UNC79: variants seen among roughly 807,000 people sequenced by gnomAD.
The protein encoded by UNC79 is unc-79 subunit of NALCN channel complex.
A neutral mutation model predicts 283.1 loss-of-function variants in UNC79; 37 were observed. The observed-to-expected ratio is 0.13, with a 90% CI of 0.10 to 0.17. UNC79 has a LOEUF of 0.17. UNC79 is among the 10% of genes least tolerant of loss of function. The pLI is 1.00. For missense variants in UNC79, 2,272 were observed against 3,211.1 expected (o/e 0.71, Z 7.07); for synonymous variants, 1,107 against 1,200.2 (o/e 0.92, Z 1.61).
chr14:93,444,579 A>T (rs867975331), intron 1 of UNC79, among the ~76,000 whole-genome samples: 41 of 152,258 alleles, frequency 2.7e-4, no homozygotes, highest in African/African-American at 9.6e-4. Context: ...ATTTAGGTTT[A>T]TAAACATTTT....
At chr14:93,683,684 GA>G (rs2074022463) in intron 42 of UNC79, among the ~76,000 whole-genome samples, 2 of 152,032 alleles carry the variant, frequency 1.3e-5, no homozygotes, top group African/African-American at 4.8e-5. Flanking sequence ...AACAACAACA[GA>G]AAAGCAACAT....
chr14:93,676,582 T>C (rs2073360273), intron 41 of UNC79, among the ~76,000 whole-genome samples: 4 of 152,302 alleles, frequency 2.6e-5, no homozygotes, highest in South Asian at 2.1e-4. Context: ...TGAACAGCAT[T>C]CCCTTAATTG....
Position 93,622,000 on chromosome 14 carries a change from C to T in UNC79, c.4767C>T (p.Phe1589=). 6.2e-7 allele frequency: 1 copy of T among 1,613,970 alleles called. No individual in the cohort carries two copies. Among genetic ancestry groups the T allele is most frequent in the East Asian group, 2.2e-5 (1 of 44,862 alleles). ...TTAGGTTAAACTGTATGGAGACTTT[C>T]GAGGTGAAAGTTGACTCGCCGGTAA... The change falls in exon 30 of 49, where the codon TTC becomes TTT. Residue 1589 remains phenylalanine (F), a synonymous_variant. Transcript: ENST00000555664. This position sits in a 1 kb window ranked among gnomAD's most constrained non-coding sequence, Gnocchi z 4.8.
chr14:93,700,745 C>T (rs927573683), intron 47 of UNC79, among the ~76,000 whole-genome samples: 7 of 152,166 alleles, frequency 4.6e-5, no homozygotes, highest in African/African-American at 1.2e-4. Flanking sequence ...TTGTAGGGCA[C>T]GTAGTTCTTC....
At chr14:93,591,560 C>T (rs967339846) in intron 22 of UNC79, among the ~76,000 whole-genome samples, 1 of 152,202 alleles carries the variant, frequency 6.6e-6, no homozygotes. Flanking sequence ...CAGTACCGTA[C>T]TGTGTTTATC....
chr14:93,409,861 A>G (rs1303107800), intron 1 of UNC79, among the ~76,000 whole-genome samples: 1 of 152,232 alleles, frequency 6.6e-6, no homozygotes, highest in Non-Finnish European at 1.5e-5. Context: ...ATAATTTGAT[A>G]AATTGATTCT....
chr14:93,661,981 A>G (rs1181313475), intron 39 of UNC79, among the ~76,000 whole-genome samples: 1 of 152,224 alleles, frequency 6.6e-6, no homozygotes, highest in Non-Finnish European at 1.5e-5. Context: ...GAAATCATCC[A>G]TCTAACTCTG....
chr14:93,698,629 G>A (rs2141021497), intron 47 of UNC79, among the ~76,000 whole-genome samples: 1 of 151,824 alleles, frequency 6.6e-6, no homozygotes, highest in Non-Finnish European at 1.5e-5. Flanking sequence ...GGGACCACAG[G>A]TGCCCACCGC....
rs1441918965 is a variant in UNC79 at position 93,621,975 on chromosome 14, T to A, written c.4742T>A (p.Val1581Asp). The A allele has an allele frequency of 6.2e-7, 1 of 1,613,788 alleles. No homozygotes were observed. The highest frequency in any genetic ancestry group is 2.2e-5 in the East Asian group (1 of 44,828). ...GCTCGAAGGCCTGTCATACCAGAGG[T>A]TAGGTTAAACTGTATGGAGACTTTC... The change falls in exon 30 of 49, where the codon GTT becomes GAT. Residue 1581 changes from valine to aspartate, a missense_variant. Around this residue, in one of 11 missense-constraint regions of UNC79, gnomAD observed 580 missense variants for 632.2 expected, o/e 0.92. Transcript: ENST00000555664. This position sits in a 1 kb window ranked among gnomAD's most constrained non-coding sequence, Gnocchi z 4.8.
At chr14:93,400,916 G>A (rs533444209) in intron 1 of UNC79, among the ~76,000 whole-genome samples, 2 of 152,254 alleles carry the variant, frequency 1.3e-5, no homozygotes, top group African/African-American at 2.4e-5. Context: ...TAGATGATAC[G>A]GATGAAGCAG....
chr14:93,428,414 C>G (rs1005111621), upstream of UNC79, among the ~76,000 whole-genome samples: 1 of 152,136 alleles, frequency 6.6e-6, no homozygotes, highest in African/African-American at 2.4e-5. Flanking sequence ...GGCACTACCT[C>G]TGCAATAGAA....
intron 1 of UNC79, among the ~76,000 whole-genome samples, chr14:93,338,582 G>GT (rs1477147115): frequency 7.2e-5 from 11 of 152,162 alleles, no homozygotes; most frequent in Non-Finnish European, 1.6e-4. Context: ...TTACAATTTA[G>GT]TAAGAACAAG....
intron 1 of UNC79, among the ~76,000 whole-genome samples, chr14:93,395,496 T>C (rs2054976028): frequency 6.6e-6 from 1 of 152,100 alleles, no homozygotes; most frequent in Non-Finnish European, 1.5e-5. Flanking sequence ...CCAGATCTAA[T>C]GAGAACTCAC....
At chr14:93,375,429 T>G (rs916756037) in intron 1 of UNC79, among the ~76,000 whole-genome samples, 2 of 152,194 alleles carry the variant, frequency 1.3e-5, no homozygotes, top group African/African-American at 4.8e-5. Flanking sequence ...TCTGCCTTCA[T>G]GTATGGATTA....
chr14:93,383,284 G>A (rs76281366), intron 1 of UNC79, among the ~76,000 whole-genome samples: 30 of 152,324 alleles, frequency 2.0e-4, no homozygotes, highest in Non-Finnish European at 3.7e-4. Flanking sequence ...AAGATGGGGA[G>A]AAGTGGGAGC....
At chr14:93,334,304 A>G (rs536158700) in intron 1 of UNC79, among the ~76,000 whole-genome samples, 33 of 152,204 alleles carry the variant, frequency 2.2e-4, no homozygotes, top group African/African-American at 7.9e-4. Context: ...GTATTACTTC[A>G]TTTTCTTTAC....
At chr14:93,620,505 A>G (rs1054517774) in intron 29 of UNC79, among the ~76,000 whole-genome samples, 20 of 152,150 alleles carry the variant, frequency 1.3e-4, no homozygotes, top group African/African-American at 4.3e-4. Context: ...CTTTCGCCAA[A>G]TCAGCCTGAA....
rs767096017 is a variant in UNC79, at chr14:93,691,740, C to A, written c.7273-9C>A. The stretch of plus-strand genomic sequence containing the variant: ...TGCAATGCACTGATGCCGTCTTCTT[C>A]CTTTTCAGACCTCCGTGCTGCACAT... On this transcript the variant is annotated splice_polypyrimidine_tract_variant and intron_variant, in intron 45 of 48. Transcript: ENST00000555664. The A allele has an allele frequency of 6.2e-7, 1 of 1,613,594 alleles. No individual in the cohort carries two copies. Among genetic ancestry groups the A allele is most frequent in the East Asian group, 2.2e-5 (1 of 44,888 alleles).
At chr14:93,501,440 A>G (rs2059283376) in intron 7 of UNC79, among the ~76,000 whole-genome samples, 1 of 152,162 alleles carries the variant, frequency 6.6e-6, no homozygotes, top group African/African-American at 2.4e-5. Flanking sequence ...CTGTAATCCC[A>G]GCACTTTGGG....
Sources: gnomAD v4.1 joint callset for allele counts (sites outside exome capture counted in the v4.1 genomes callset) on GRCh38, gnomAD v4.1.1 for gene constraint, gnomAD v4.1.1 regional missense constraint, Gnocchi (gnomAD v3.1) non-coding constraint, MANE v1.5 for transcripts, NCBI Gene and HGNC (gene_info 2026-07-23, HGNC 2026-07-21) for gene names.